HEATR5A: variants seen among roughly 807,000 people sequenced by gnomAD.
HEATR5A encodes HEAT repeat-containing protein 5A.
Under a neutral mutation model 218.8 loss-of-function variants are expected in HEATR5A, and 178 were observed. That is an observed-to-expected ratio of 0.81 (90% CI 0.72 to 0.92). The LOEUF is 0.92. HEATR5A is among the 40% of genes least tolerant of loss of function. The pLI is 0.00. For missense variants in HEATR5A, 2,420 were observed against 2,418.9 expected (o/e 1.00, Z -0.01); for synonymous variants, 864 against 871.6 (o/e 0.99, Z 0.15).
chr14:31,395,299 C>A lies in HEATR5A; in HGVS notation c.497G>T (p.Gly166Val). 1 of 1,530,942 alleles carries A rather than the reference C, an allele frequency of 6.5e-7. No homozygotes were observed. The highest frequency in any genetic ancestry group is 1.2e-5 in the South Asian group (1 of 83,782). The allele number at this position is 1,530,942 out of a possible 1,614,324, so 94.8% of individuals were successfully genotyped here. ...IMLSLQNILN[G>V]LGAAAAPCHR... ...ACAAGGTGCAGCGGCAGCTCCTAGT[C>A]CATTCAATATATTTTGCAGACTTAG... is the stretch of plus-strand genomic sequence containing the variant. Residue 166 changes from glycine to valine, a missense_variant, in exon 5 of 36, where the codon GGA becomes GTA. Gly to Val is a moderately radical substitution (Grantham distance 109, BLOSUM62 -3). Transcript: ENST00000543095.
chr14:31,414,508 T>A (rs2031383545), intron 1 of HEATR5A, among the ~76,000 whole-genome samples: 1 of 152,214 alleles, frequency 6.6e-6, no homozygotes, highest in African/African-American at 2.4e-5. Context: ...TAGATATTTT[T>A]AAAAGCAGAG....
chr14:31,302,316 T>C lies in HEATR5A; in HGVS notation c.5443A>G (p.Ile1815Val), dbSNP rs1899410194. The change falls in exon 33 of 36, where the codon ATT becomes GTT. Residue 1815 changes from isoleucine (I) to valine (V), a missense_variant. Ile to Val is a conservative substitution (Grantham distance 29). Coordinates refer to ENST00000543095, the MANE Select transcript of HEATR5A (RefSeq NM_015473.4). ...TTACCTGGATCCCAACAGTCAAGAA[T>C]TGTTGTTAAGGCACTTCGGAGAAGG... ...TDLLRSALTT[I>V]LDCWDPVDET... 2 of 1,598,104 alleles carry C rather than the reference T, an allele frequency of 1.3e-6. No individual in the cohort carries two copies. The highest frequency in any genetic ancestry group is 1.3e-5 in the African/African-American group (1 of 74,816).
At chr14:31,314,365 G>A (rs1039249343) in intron 27 of HEATR5A, among the ~76,000 whole-genome samples, 2 of 152,018 alleles carry the variant, frequency 1.3e-5, no homozygotes, top group African/African-American at 4.8e-5. Context: ...CAATTCTCCT[G>A]CCTCAGCCTT....
chr14:31,377,006 T>TTTTA (rs1902252273), intron 11 of HEATR5A, among the ~76,000 whole-genome samples: 1 of 151,730 alleles, frequency 6.6e-6, no homozygotes, highest in Admixed American at 6.6e-5. Context: ...AAACCTATAG[T>TTTTA]CCTAGCTACT....
chr14:31,351,998 G>A (rs1566764658), intron 16 of HEATR5A, among the ~76,000 whole-genome samples: 1 of 152,030 alleles, frequency 6.6e-6, no homozygotes, highest in African/African-American at 2.4e-5. Context: ...TGCTACTGGT[G>A]AGAAAAATGT....
intron 14 of HEATR5A, among the ~76,000 whole-genome samples, chr14:31,363,029 G>C (rs1177466813): frequency 6.6e-6 from 1 of 151,902 alleles, no homozygotes. Context: ...ATGAGGTAAG[G>C]AGTTTGAGAC....
chr14:31,383,438 T>C (rs566521828), intron 10 of HEATR5A, 83 bp downstream of exon 10: 1 of 1,333,552 alleles, frequency 7.5e-7, no homozygotes, highest in African/African-American at 1.5e-5. Context: ...AAATAAAGCA[T>C]TCAGTAACAA....
At chr14:31,302,722 A>G (rs973357748) in intron 32 of HEATR5A, 6 of 518,318 alleles carry the variant, frequency 1.2e-5, no homozygotes, top group African/African-American at 1.9e-5. Flanking sequence ...TTATAACTGG[A>G]GATTACGTTT....
Position 31,383,506 on chromosome 14 carries a change from G to A in HEATR5A, c.1596+15C>T, listed in dbSNP as rs1251504001. 2 of 1,604,036 alleles carry A rather than the reference G, an allele frequency of 1.2e-6. No homozygotes were observed. The highest frequency in any genetic ancestry group is 8.5e-7 in the Non-Finnish European group (1 of 1,173,214). On this transcript the variant is annotated intron_variant, in intron 10 of 35. Transcript: ENST00000543095. ...AAAGCACCTCATTATCATACATAGA[G>A]AATGAAATCATTACCTTGCCTTTTC...
At position 31,400,386 on chromosome 14, in the gene HEATR5A, T is replaced by C; in HGVS notation, c.253A>G (p.Thr85Ala). The change falls in exon 3 of 36, where the codon ACA (threonine) becomes GCA (alanine). Residue 85 changes from threonine to alanine, a missense_variant. Transcript: ENST00000543095. ...NLAILYSIGD[T>A]FSVHEAIDKC... Reference sequence around the variant, plus strand: ...TCGATTGCTTCATGAACGGAGAATGTGTCTCCAATACTATAAAGTATGGCT... The same window carrying C: ...TCGATTGCTTCATGAACGGAGAATGCGTCTCCAATACTATAAAGTATGGCT... The C allele has an allele frequency of 6.5e-7, 1 of 1,535,442 alleles. No individual in the cohort carries two copies. The highest frequency in any genetic ancestry group is 1.2e-5 in the South Asian group (1 of 84,042).
intron 33 of HEATR5A, among the ~76,000 whole-genome samples, chr14:31,298,860 CTCT>C (rs763633378): frequency 6.6e-6 from 1 of 152,120 alleles, no homozygotes; most frequent in Non-Finnish European, 1.5e-5. Context: ...TTAGCTATTT[CTCT>C]TCTTCCTGTG....
intron 1 of HEATR5A, among the ~76,000 whole-genome samples, chr14:31,410,055 G>C (rs2031221427): frequency 6.6e-6 from 1 of 152,146 alleles, no homozygotes; most frequent in Non-Finnish European, 1.5e-5. Flanking sequence ...AGGTTTATTG[G>C]ATTGGTTTGT....
At chr14:31,333,190 T>C (rs1200381580) in intron 22 of HEATR5A, among the ~76,000 whole-genome samples, 1 of 152,102 alleles carries the variant, frequency 6.6e-6, no homozygotes, top group Admixed American at 6.5e-5. Flanking sequence ...CAAATCCTGA[T>C]ATAGAAGCTT....
intron 23 of HEATR5A, 47 bp from the exon 24 acceptor site, chr14:31,323,851 T>G (rs759847629): frequency 9.7e-7 from 1 of 1,030,480 alleles, no homozygotes; most frequent in Non-Finnish European, 1.4e-6. Context: ...CTGAAAGATA[T>G]ATATATATAT....
Position 31,342,957 on chromosome 14 carries a change from G to A in HEATR5A, c.3228+939C>T, listed in dbSNP as rs60813837. On this transcript the variant is annotated intron_variant, in intron 21 of 35. Coordinates refer to ENST00000543095, the MANE Select transcript of HEATR5A (RefSeq NM_015473.4). ...CTATATAATGATTTTCAACAGTCAC[G>A]TTACTAATGGGAGTGTGCTACGAAT... 9.7e-3 allele frequency among the ~76,000 whole-genome samples: 1,478 copies of A among 152,226 alleles called. 22 individuals are homozygous for A. Among genetic ancestry groups the A allele is most frequent in the African/African-American group, 0.034 (1,402 of 41,532 alleles).
At chr14:31,295,772 G>C in intron 34 of HEATR5A, 137 bp downstream of exon 34, 1 of 664,192 alleles carries the variant, frequency 1.5e-6, no homozygotes, top group Admixed American at 2.8e-5. Flanking sequence ...TCCTGAAATA[G>C]AAATTAATCT....
chr14:31,320,485 G>A, intron 25 of HEATR5A: 1 of 1,359,438 alleles, frequency 7.4e-7, no homozygotes. Context: ...ACTCCCGTCT[G>A]GCCACCTGGA....
At chr14:31,364,119 T>A in intron 14 of HEATR5A, 70 bp downstream of exon 14, 1 of 618,728 alleles carries the variant, frequency 1.6e-6, no homozygotes, top group Non-Finnish European at 2.8e-6. Flanking sequence ...ATTTAATGAG[T>A]GACAATAACT....
At chr14:31,310,601 C>G (rs1899713644) in intron 28 of HEATR5A, among the ~76,000 whole-genome samples, 1 of 152,130 alleles carries the variant, frequency 6.6e-6, no homozygotes. Flanking sequence ...GATCAAGCCA[C>G]TGCCCTCCAG....
Sources: gnomAD v4.1 joint callset for allele counts (sites outside exome capture counted in the v4.1 genomes callset) on GRCh38, gnomAD v4.1.1 for gene constraint, MANE v1.5 for transcripts, NCBI Gene and HGNC (gene_info 2026-07-23, HGNC 2026-07-21) for gene names.